The following ABCA1 variants were observed in gnomAD, a reference collection of about 807,000 sequenced individuals.
ABCA1 encodes the protein phospholipid-transporting ATPase ABCA1.
A neutral mutation model predicts 262.5 loss-of-function variants in ABCA1; 133 were observed. The observed-to-expected ratio is 0.51, with a 90% CI of 0.44 to 0.59. The LOEUF (loss-of-function observed/expected upper bound fraction) is 0.59. Among genes scored for constraint, ABCA1 ranks in the 20% least tolerant of loss-of-function variants. The pLI is 0.00. For missense variants in ABCA1, 2,452 were observed against 2,777.5 expected (o/e 0.88, Z 2.63); for synonymous variants, 1,022 against 1,043.5 (o/e 0.98, Z 0.40).
intron 7 of ABCA1, chr9:104,855,230 T>A: frequency 1.1e-6 from 1 of 875,918 alleles, no homozygotes; most frequent in African/African-American, 1.8e-5. Flanking sequence ...AGAGTCTCAC[T>A]CTGTCACGCT....
chr9:104,861,777 C>G lies in ABCA1; in HGVS notation c.445G>C (p.Val149Leu). The G allele has an allele frequency of 6.2e-7, 1 of 1,612,972 alleles. No individual in the cohort carries two copies. Among genetic ancestry groups the G allele is most frequent in the Non-Finnish European group, 8.5e-7 (1 of 1,179,664 alleles). The change falls in exon 6 of 50, where the codon GTG becomes CTG. Residue 149 changes from valine to leucine, a missense_variant. This residue lies in a region of ABCA1 where 1,032 missense variants were observed against 1,089.7 expected (regional missense o/e 0.95). Coordinates refer to ENST00000374736, the MANE Select transcript of ABCA1 (RefSeq NM_005502.4). ...AACCCAGAGAAGGTTTCATTGTCCA[C>G]CAGGAAATCTTGAAGCTTCAAGTCT... The part of the protein sequence containing the change: ...SSNLKLQDFL[V>L]DNETFSGFLY...
intron 2 of ABCA1, among the ~76,000 whole-genome samples, chr9:104,897,392 C>A (rs540584961): frequency 6.6e-6 from 1 of 152,020 alleles, no homozygotes; most frequent in Admixed American, 6.6e-5. Context: ...AGATTTTGGC[C>A]TACAGAAATA....
chr9:104,831,150 A>T (rs1405768521), intron 13 of ABCA1, 49 bp from the exon 14 acceptor site: 27 of 157,880 alleles, frequency 1.7e-4, no homozygotes, highest in African/African-American at 9.8e-4. Flanking sequence ...ACCATACAAT[A>T]AAAAAAAAAA....
chr9:104,804,876 T>A (rs1244950131), intron 31 of ABCA1, among the ~76,000 whole-genome samples, 156 bp from the exon 32 acceptor site: 2 of 152,186 alleles, frequency 1.3e-5, no homozygotes, highest in Non-Finnish European at 2.9e-5. Context: ...TGAGACTTGG[T>A]TCACCCTGCC....
intron 5 of ABCA1, among the ~76,000 whole-genome samples, chr9:104,879,711 G>A (rs1838460036): frequency 6.6e-6 from 1 of 152,182 alleles, no homozygotes; most frequent in African/African-American, 2.4e-5. Flanking sequence ...GAGTCAACAA[G>A]GTGACGTGAA....
At chr9:104,788,366 T>C in intron 45 of ABCA1, 60 bp downstream of exon 45, 2 of 1,604,378 alleles carry the variant, frequency 1.2e-6, no homozygotes, top group Non-Finnish European at 1.7e-6. Flanking sequence ...GGAAAAGCCA[T>C]AAGGTATATA....
intron 5 of ABCA1, among the ~76,000 whole-genome samples, chr9:104,876,155 G>C (rs766053548): frequency 1.3e-5 from 2 of 152,168 alleles, no homozygotes; most frequent in Non-Finnish European, 1.5e-5. Flanking sequence ...GGTCATGCCA[G>C]CTAAAAAAAG....
intron 5 of ABCA1, among the ~76,000 whole-genome samples, chr9:104,880,593 G>A (rs1838546145): frequency 1.3e-5 from 2 of 151,868 alleles, no homozygotes; most frequent in South Asian, 4.2e-4. Flanking sequence ...CTGATTTCCT[G>A]TAGGAAAAGG....
rs1832164196 is a variant in ABCA1, at chr9:104,819,971, C to T, written c.3059G>A (p.Gly1020Asp). The change falls in exon 21 of 50, where the codon GGT becomes GAT. Residue 1020 changes from glycine (G) to aspartate (D), a missense_variant. By Grantham distance (94) the Gly-to-Asp change is moderately conservative. This residue lies in a region of ABCA1 where 665 missense variants were observed against 727.3 expected (regional missense o/e 0.91). Transcript: ENST00000374736. ...GCTTTTCAGCTTGCTTGATGGCAAA[C>T]CAACATCCAGGGCCATCTGCTCCAT... Reference protein sequence around the residue: ...AEMEQMALDVGLPSSKLKSKT... With the variant: ...AEMEQMALDVDLPSSKLKSKT... 6.2e-7 allele frequency: 1 copy of T among 1,613,902 alleles called. No homozygotes were observed. The highest frequency in any genetic ancestry group is 1.3e-5 in the African/African-American group (1 of 74,900).
intron 11 of ABCA1, 41 bp from the exon 12 acceptor site, chr9:104,832,812 TA>T: frequency 1.3e-6 from 2 of 1,593,180 alleles, no homozygotes; most frequent in Non-Finnish European, 1.7e-6. Flanking sequence ...AAACACCAAC[TA>T]AATCTTGAGG....
intron 31 of ABCA1, 105 bp from the exon 32 acceptor site, chr9:104,804,825 C>T: frequency 3.1e-6 from 3 of 982,120 alleles, no homozygotes; most frequent in Non-Finnish European, 4.9e-6. Flanking sequence ...GACCGGAAAC[C>T]TGACTACAGG....
At chr9:104,799,084 C>T (rs1830123979) in intron 36 of ABCA1, among the ~76,000 whole-genome samples, 1 of 152,076 alleles carries the variant, frequency 6.6e-6, no homozygotes, top group Non-Finnish European at 1.5e-5. Flanking sequence ...TACAAAAATT[C>T]TGTCAGATTT....
chr9:104,927,286 C>A (rs921675128), intron 1 of ABCA1, among the ~76,000 whole-genome samples: 8 of 152,010 alleles, frequency 5.3e-5, no homozygotes, highest in African/African-American at 1.2e-4. Flanking sequence ...GCTGAGCGCA[C>A]GGAGACTGTA....
chr9:104,923,590 C>T (rs948808057), intron 1 of ABCA1, among the ~76,000 whole-genome samples: 7 of 152,214 alleles, frequency 4.6e-5, no homozygotes, highest in African/African-American at 1.7e-4. Flanking sequence ...TCCCTGGTTG[C>T]AGCAGCTGAA....
chr9:104,903,122 C>T (rs1191922062), intron 2 of ABCA1, among the ~76,000 whole-genome samples: 1 of 152,132 alleles, frequency 6.6e-6, no homozygotes, highest in Non-Finnish European at 1.5e-5. Flanking sequence ...GGCTTAGAAC[C>T]CTCTGCAGAA....
At chr9:104,824,599 T>A (rs1461509050) in intron 17 of ABCA1, 21 bp from the exon 18 acceptor site, 1 of 1,612,648 alleles carries the variant, frequency 6.2e-7, no homozygotes, top group Admixed American at 1.7e-5. Context: ...AGCACAGGTA[T>A]GAGCCAAGCT....
In ABCA1 at chr9:104,840,444, A is replaced by AGGAGCT. The variant is rs1834264709; in HGVS notation, c.883_888dup (p.Ser296_Ser297dup). 6.2e-7 allele frequency: 1 copy of AGGAGCT among 1,614,014 alleles called. No homozygotes were observed. Among genetic ancestry groups the AGGAGCT allele is most frequent in the Non-Finnish European group, 8.5e-7 (1 of 1,180,046 alleles). On this transcript the variant is annotated inframe_insertion, in exon 9 of 50. Coordinates refer to ENST00000374736, the MANE Select transcript of ABCA1 (RefSeq NM_005502.4). Reference sequence around the variant, plus strand: ...GACACAGCCTGGTAGATTTGGGTGGAGGAGCTGGAGCTGTTCACATTGGTC... The same window carrying AGGAGCT: ...GACACAGCCTGGTAGATTTGGGTGGAGGAGCTGGAGCTGGAGCTGTTCACATTGGTC...
intron 7 of ABCA1, chr9:104,855,117 G>A: frequency 2.7e-5 from 26 of 976,442 alleles, no homozygotes; most frequent in Non-Finnish European, 3.2e-5. Context: ...GAGCAAGAAT[G>A]CAGTTTTTCA....
intron 39 of ABCA1, 21 bp from the exon 40 acceptor site, chr9:104,794,531 TG>T: frequency 1.3e-6 from 1 of 773,248 alleles, no homozygotes; most frequent in South Asian, 1.6e-5. Context: ...AAAAAAAAAA[TG>T]GGAGGGAAGG....
Sources: allele counts gnomAD v4.1 joint callset (sites outside exome capture counted in the v4.1 genomes callset), GRCh38; gene constraint gnomAD v4.1.1; regional missense constraint gnomAD v4.1.1; transcripts MANE v1.5; gene names NCBI Gene and HGNC (gene_info 2026-07-23, HGNC 2026-07-21).